Variants in CARMIL1 observed in about 807,000 individuals in gnomAD.
CARMIL1 encodes the protein F-actin-uncapping protein LRRC16A.
In CARMIL1, 90 loss-of-function variants were observed where a neutral mutation model predicts 177.1. The ratio of observed to expected loss-of-function variants is 0.51; its 90% confidence interval spans 0.43 to 0.61. The LOEUF is 0.61. CARMIL1 is among the 20% of genes least tolerant of loss of function. The probability of loss-of-function intolerance (pLI) is 0.00; values close to 1 mark genes in which losing one functional copy is unlikely to be tolerated. For missense variants in CARMIL1, 1,380 were observed against 1,667.0 expected (o/e 0.83, Z 3.00); for synonymous variants, 577 against 606.2 (o/e 0.95, Z 0.71).
chr6:25,285,061 TTTC>T (rs1293535427), intron 2 of CARMIL1, among the ~76,000 whole-genome samples, 152 bp downstream of exon 2: 2 of 152,226 alleles, frequency 1.3e-5, no homozygotes, highest in Non-Finnish European at 2.9e-5. Flanking sequence ...AATTGGAATA[TTTC>T]TTTGTCAAAA....
chr6:25,555,550 C>T (rs571288314), intron 28 of CARMIL1, among the ~76,000 whole-genome samples: 84 of 152,196 alleles, frequency 5.5e-4, no homozygotes, highest in African/African-American at 2.0e-3. Context: ...CAGGTGTGTG[C>T]CACCACACCT....
intron 2 of CARMIL1, among the ~76,000 whole-genome samples, chr6:25,316,167 TGA>T (rs1177962349): frequency 6.6e-6 from 1 of 151,824 alleles, no homozygotes; most frequent in Non-Finnish European, 1.5e-5. Context: ...AAGACAGAAT[TGA>T]AAGTAGCCTT....
intron 2 of CARMIL1, among the ~76,000 whole-genome samples, chr6:25,399,325 A>G (rs1482194357): frequency 6.6e-6 from 1 of 152,186 alleles, no homozygotes; most frequent in African/African-American, 2.4e-5. Context: ...GTGGTTGTCT[A>G]CCTGCCCAGG....
chr6:25,434,069 A>AT (rs201945927), intron 4 of CARMIL1, among the ~76,000 whole-genome samples: 2 of 152,106 alleles, frequency 1.3e-5, no homozygotes, highest in East Asian at 1.9e-4. Context: ...TTTTATGGGA[A>AT]TTTTTTGGGG....
chr6:25,490,514 A>T (rs772693819), intron 13 of CARMIL1, among the ~76,000 whole-genome samples: 50 of 152,012 alleles, frequency 3.3e-4, no homozygotes, highest in Non-Finnish European at 6.6e-4. Context: ...CCTGGACAAT[A>T]TGTTGAAACC....
intron 36 of CARMIL1, chr6:25,612,959 T>C (rs1344572093): frequency 8.9e-6 from 8 of 903,326 alleles, no homozygotes; most frequent in Admixed American, 1.2e-4. Flanking sequence ...CAAACTGTAA[T>C]TGAGTGAATT....
chr6:25,318,796 G>A (rs1784463899), intron 2 of CARMIL1, among the ~76,000 whole-genome samples: 1 of 152,120 alleles, frequency 6.6e-6, no homozygotes, highest in Non-Finnish European at 1.5e-5. Context: ...GTCCTGGGGG[G>A]TCTGGATGTC....
chr6:25,394,974 CT>C (rs1793238454), intron 2 of CARMIL1, among the ~76,000 whole-genome samples: 1 of 152,198 alleles, frequency 6.6e-6, no homozygotes, highest in Non-Finnish European at 1.5e-5. Context: ...AACTCTTAGA[CT>C]ATTTATGGTA....
intron 2 of CARMIL1, among the ~76,000 whole-genome samples, chr6:25,312,009 C>G (rs1270438115): frequency 6.6e-6 from 1 of 152,198 alleles, no homozygotes; most frequent in African/African-American, 2.4e-5. Context: ...TTGTGGGAGG[C>G]AACGATTACA....
intron 31 of CARMIL1, among the ~76,000 whole-genome samples, chr6:25,590,104 G>A (rs1814150169): frequency 6.6e-6 from 1 of 152,188 alleles, no homozygotes; most frequent in Admixed American, 6.5e-5. Context: ...CAATAAGTCA[G>A]GGTTTTGTTA....
chr6:25,581,401 C>T lies in CARMIL1; in HGVS notation c.2968C>T (p.Pro990Ser), dbSNP rs1412751364. 3.7e-6 allele frequency: 6 copies of T among 1,612,892 alleles called. No homozygotes were observed. The highest frequency in any genetic ancestry group is 5.1e-6 in the Non-Finnish European group (6 of 1,179,514). ...KKLEHFTKLR[P>S]KRNKKQQPTQ... ...GCTGGAACACTTTACCAAGTTAAGG[C>T]CAAAAAGGAATAAGAAGCAGCAACC... The change falls in exon 31 of 37, where the codon CCA becomes TCA. Residue 990 changes from proline to serine, a missense_variant. Pro to Ser is a moderately conservative substitution (Grantham distance 74). Transcript: ENST00000329474.
chr6:25,330,674 C>G (rs935508483), intron 2 of CARMIL1, among the ~76,000 whole-genome samples: 1 of 138,122 alleles, frequency 7.2e-6, no homozygotes, highest in African/African-American at 2.7e-5. Context: ...ACGCACCCCC[C>G]CGCCCATCTC....
intron 36 of CARMIL1, among the ~76,000 whole-genome samples, chr6:25,617,576 C>T (rs866410661): frequency 3.3e-5 from 5 of 152,000 alleles, no homozygotes; most frequent in Non-Finnish European, 5.9e-5. Flanking sequence ...GGTTTTAAAA[C>T]GATGAAAAAT....
intron 12 of CARMIL1, among the ~76,000 whole-genome samples, chr6:25,483,130 T>C (rs903009082): frequency 6.6e-6 from 1 of 152,210 alleles, no homozygotes; most frequent in Non-Finnish European, 1.5e-5. Context: ...GCATAAATAT[T>C]GTGTCTTTCC....
rs149844282 is a variant in CARMIL1 at position 25,548,140 on chromosome 6, C to T, written c.2329-2770C>T. Among the ~76,000 whole-genome samples, 26 of 152,268 alleles carry T rather than the reference C, an allele frequency of 1.7e-4. No homozygotes were observed. In the East Asian group the frequency reaches 4.8e-3, roughly 28 times the overall value. ...TGGCAAGAAATGAAGCTGGCAAGCT[C>T]AGCATCTACCAGATACTTCAGGGAT... is the stretch of plus-strand genomic sequence containing the variant. On this transcript the variant is annotated intron_variant, in intron 26 of 36. Transcript: ENST00000329474.
chr6:25,367,559 C>T (rs550068285), intron 2 of CARMIL1, among the ~76,000 whole-genome samples: 131 of 152,118 alleles, frequency 8.6e-4, no homozygotes, highest in African/African-American at 3.0e-3. Context: ...TGTGCCCTTG[C>T]TGGTACTCAG....
chr6:25,283,501 G>C (rs1426936498), intron 1 of CARMIL1, among the ~76,000 whole-genome samples: 1 of 152,144 alleles, frequency 6.6e-6, no homozygotes, highest in Non-Finnish European at 1.5e-5. Flanking sequence ...GTCCAGAGTA[G>C]GAGATAATGA....
At chr6:25,403,531 A>C in intron 2 of CARMIL1, among the ~76,000 whole-genome samples, 1 of 150,386 alleles carries the variant, frequency 6.6e-6, no homozygotes, top group Admixed American at 6.6e-5. Context: ...CACCCCTCTG[A>C]CCTCCCCTGC....
At chr6:25,286,556 T>G (rs1055545568) in intron 2 of CARMIL1, among the ~76,000 whole-genome samples, 1 of 152,266 alleles carries the variant, frequency 6.6e-6, no homozygotes, top group African/African-American at 2.4e-5. Context: ...CAACAATGAT[T>G]GTGCTATTTT....
Sources: allele counts gnomAD v4.1 joint callset (sites outside exome capture counted in the v4.1 genomes callset), GRCh38; gene constraint gnomAD v4.1.1; transcripts MANE v1.5; gene names NCBI Gene and HGNC (gene_info 2026-07-23, HGNC 2026-07-21).